WLS: variants seen among roughly 807,000 people sequenced by gnomAD.
WLS encodes the protein Wnt ligand secretion mediator.
Under a neutral mutation model 62.8 loss-of-function variants are expected in WLS, and 23 were observed. The ratio of observed to expected loss-of-function variants is 0.37; its 90% CI spans 0.26 to 0.52. WLS has a LOEUF of 0.52. WLS is among the 20% of genes least tolerant of loss of function. The pLI, the probability that WLS is intolerant of heterozygous loss-of-function variation, is 0.92. For missense variants in WLS, 615 were observed against 697.3 expected (o/e 0.88, Z 1.33); for synonymous variants, 246 against 244.1 (o/e 1.01, Z -0.07).
chr1:68,223,163 TA>T (rs1450746833), intron 1 of WLS, among the ~76,000 whole-genome samples: 1 of 152,206 alleles, frequency 6.6e-6, no homozygotes, highest in Non-Finnish European at 1.5e-5. Flanking sequence ...TAACACTGTA[TA>T]TAAAGTAAAA....
rs775149030 is a variant in WLS at position 68,148,574 on chromosome 1, G to A, written c.1059C>T (p.Asp353=). ...AAACACTTGCTCACCTCTCACACAT[G>A]TCAAATATGAAGAGGCAGAAGGAGC... ...AVGSFCLFIF[D]MCERGVQLTN... Residue 353 remains aspartate, a synonymous_variant, in exon 7 of 12, where the codon GAC becomes GAT. Transcript: ENST00000262348. 8.0e-5 allele frequency: 129 copies of A among 1,613,882 alleles called. No individual in the cohort carries two copies. The highest frequency in any genetic ancestry group is 9.7e-5 in the Non-Finnish European group (114 of 1,179,960).
At position 68,164,335 on chromosome 1, in the gene WLS, T is replaced by G. The variant is rs181438206; in HGVS notation, c.380-5088A>C. Among the ~76,000 whole-genome samples the G allele has an allele frequency of 1.1e-4, 17 of 152,176 alleles. No homozygotes were observed. In the East Asian group the frequency reaches 3.3e-3, roughly 29 times the overall value. ...GTGCAATGGCATGATCTCGGCTCAC[T>G]GCAACCTCTGCCTCCCGGGTTCAAG... On this transcript the variant is annotated intron_variant, in intron 2 of 11. Coordinates refer to ENST00000262348, the MANE Select transcript of WLS (RefSeq NM_024911.7).
Position 68,206,918 on chromosome 1 carries a change from G to C in WLS, c.107-12691C>G, listed in dbSNP as rs79924864. Among the ~76,000 whole-genome samples, 713 of 152,210 alleles carry C rather than the reference G, an allele frequency of 4.7e-3. 9 individuals are homozygous for C. The highest frequency in any genetic ancestry group is 0.016 in the African/African-American group (672 of 41,498). On this transcript the variant is annotated intron_variant, in intron 1 of 11. Coordinates refer to ENST00000262348, the MANE Select transcript of WLS (RefSeq NM_024911.7). ...AATTTATATTCCAAGAGTTCTGGCT[G>C]TCCCTATCAGGCCCCTCCTCCCCCT...
At chr1:68,140,606 C>T (rs747535678) in intron 10 of WLS, among the ~76,000 whole-genome samples, 2 of 152,198 alleles carry the variant, frequency 1.3e-5, no homozygotes, top group Admixed American at 6.5e-5. Context: ...CTCATGCTCC[C>T]GTCTCGTACT....
intron 8 of WLS, among the ~76,000 whole-genome samples, chr1:68,146,293 G>C (rs1570887461): frequency 6.6e-6 from 1 of 152,152 alleles, no homozygotes; most frequent in Non-Finnish European, 1.5e-5. Context: ...CCCTACCCTA[G>C]ACCTAATGAA....
At chr1:68,132,963 T>C (rs1646548857) in intron 11 of WLS, among the ~76,000 whole-genome samples, 1 of 152,012 alleles carries the variant, frequency 6.6e-6, no homozygotes, top group Non-Finnish European at 1.5e-5. Context: ...CCTGCTGCAA[T>C]TCATATCTGC....
At chr1:68,182,447 G>A (rs1300746675) in intron 2 of WLS, among the ~76,000 whole-genome samples, 1 of 152,220 alleles carries the variant, frequency 6.6e-6, no homozygotes, top group African/African-American at 2.4e-5. Context: ...GATAATTCAT[G>A]AGCAAACAAA....
At chr1:68,136,806 C>T (rs976038468) in intron 11 of WLS, among the ~76,000 whole-genome samples, 2 of 152,202 alleles carry the variant, frequency 1.3e-5, no homozygotes, top group Non-Finnish European at 2.9e-5. Flanking sequence ...GCAATCCACT[C>T]ATGCAACACA....
chr1:68,186,892 A>G (rs1330934652), intron 2 of WLS, among the ~76,000 whole-genome samples: 1 of 152,090 alleles, frequency 6.6e-6, no homozygotes, highest in African/African-American at 2.4e-5. Flanking sequence ...TATTCCCACA[A>G]ACACAACATG....
At chr1:68,201,555 G>A (rs1411279792) in intron 1 of WLS, among the ~76,000 whole-genome samples, 2 of 152,262 alleles carry the variant, frequency 1.3e-5, no homozygotes, top group East Asian at 3.8e-4. Context: ...AGCTGAAAGT[G>A]TGTCTACAGA....
At chr1:68,135,305 CTTTTT>C (rs71581156) in intron 11 of WLS, among the ~76,000 whole-genome samples, 2 of 66,786 alleles carry the variant, frequency 3.0e-5, no homozygotes, top group Admixed American at 2.3e-4. Flanking sequence ...CCATGCCTGG[CTTTTT>C]TTTTTTTTTT....
chr1:68,156,723 C>A (rs1381827658), intron 3 of WLS, among the ~76,000 whole-genome samples: 2 of 152,134 alleles, frequency 1.3e-5, no homozygotes, highest in Non-Finnish European at 2.9e-5. Context: ...CTTTTTCAAA[C>A]CTCAGCTGCA....
intron 2 of WLS, among the ~76,000 whole-genome samples, chr1:68,189,310 A>G (rs1481407903): frequency 6.6e-6 from 1 of 151,710 alleles, no homozygotes; most frequent in Non-Finnish European, 1.5e-5. Flanking sequence ...AAGAAGATGA[A>G]AGTTCTCAAC....
At chr1:68,132,317 C>T (rs1646538738) in intron 11 of WLS, among the ~76,000 whole-genome samples, 1 of 152,190 alleles carries the variant, frequency 6.6e-6, no homozygotes, top group Admixed American at 6.5e-5. Context: ...GCTTTAGGGT[C>T]TGGGTCCAGC....
intron 2 of WLS, 37 bp downstream of exon 2, chr1:68,193,917 CA>C: frequency 6.3e-7 from 1 of 1,590,330 alleles, no homozygotes; most frequent in Non-Finnish European, 8.6e-7. Flanking sequence ...GGGCAATGCT[CA>C]AAGGGAAGAA....
chr1:68,119,910 G>A (rs1646342522), intron 11 of WLS, among the ~76,000 whole-genome samples: 1 of 152,208 alleles, frequency 6.6e-6, no homozygotes, highest in African/African-American at 2.4e-5. Flanking sequence ...TCCCTGAGTT[G>A]AAGAGAGATC....
At chr1:68,168,834 ACT>A (rs1437308667) in intron 2 of WLS, among the ~76,000 whole-genome samples, 4 of 151,846 alleles carry the variant, frequency 2.6e-5, no homozygotes, top group African/African-American at 4.8e-5. Flanking sequence ...CCAATAAAAA[ACT>A]CTCTGACCTG....
intron 11 of WLS, among the ~76,000 whole-genome samples, chr1:68,102,119 A>C (rs1646086712): frequency 6.6e-6 from 1 of 152,120 alleles, no homozygotes; most frequent in Non-Finnish European, 1.5e-5. Flanking sequence ...TGGGCCAGCT[A>C]TATGCCTTTG....
chr1:68,168,934 A>T (rs1000316885), intron 2 of WLS, among the ~76,000 whole-genome samples: 1 of 152,242 alleles, frequency 6.6e-6, no homozygotes, highest in Admixed American at 6.5e-5. Flanking sequence ...AAATGGACTC[A>T]GCTAATTACA....
Sources: allele counts gnomAD v4.1 joint callset (sites outside exome capture counted in the v4.1 genomes callset), GRCh38; gene constraint gnomAD v4.1.1; transcripts MANE v1.5; gene names NCBI Gene and HGNC (gene_info 2026-07-23, HGNC 2026-07-21).